Variants in DOCK6 observed in about 807,000 individuals in gnomAD.
The protein encoded by DOCK6 is dedicator of cytokinesis 6.
A neutral mutation model predicts 230.3 loss-of-function variants in DOCK6; 167 were observed. That is an observed-to-expected ratio of 0.73 (90% CI 0.64 to 0.82). The LOEUF (loss-of-function observed/expected upper bound fraction) is 0.82, where lower values mean the gene tolerates loss of function less well. DOCK6 is among the 40% of genes least tolerant of loss of function. The pLI is 0.00. For synonymous variants in DOCK6, 1,148 were observed against 1,185.0 expected, an observed-to-expected ratio of 0.97 and a Z score of 0.64; for missense variants, 2,598 against 2,825.8, an observed-to-expected ratio of 0.92 and a Z score of 1.83.
chr19:11,251,676 C>T (rs2080119643), intron 5 of DOCK6: 1 of 153,456 alleles, frequency 6.5e-6, no homozygotes, highest in African/African-American at 2.4e-5. Flanking sequence ...GCTGAGATTG[C>T]ACCACTGTAC....
chr19:11,237,228 C>A (rs957763131), intron 18 of DOCK6: 21 of 608,844 alleles, frequency 3.4e-5, no homozygotes, highest in Middle Eastern at 8.7e-4. Flanking sequence ...ATCAGGAAGG[C>A]AGTCAGGGTG....
intron 7 of DOCK6, 123 bp from the exon 8 acceptor site, chr19:11,246,001 T>G (rs2080027466): frequency 2.8e-6 from 3 of 1,085,756 alleles, no homozygotes; most frequent in Non-Finnish European, 4.0e-6. Flanking sequence ...GAACCGCCAC[T>G]TAAGGGCTTG....
chr19:11,235,004 G>A (rs183982021), intron 21 of DOCK6, among the ~76,000 whole-genome samples: 122 of 151,692 alleles, frequency 8.0e-4, no homozygotes, highest in African/African-American at 2.8e-3. Context: ...GTGCAGTGGC[G>A]TGATCTCAGC....
intron 41 of DOCK6, chr19:11,203,367 G>A (rs1028862879): frequency 2.5e-5 from 4 of 157,186 alleles, no homozygotes; most frequent in Admixed American, 6.1e-5. Flanking sequence ...AGAGGTCAGA[G>A]GTCAGAGTTC....
intron 28 of DOCK6, 50 bp from the exon 29 acceptor site, chr19:11,217,441 GTCCCT>G: frequency 6.3e-7 from 1 of 1,576,360 alleles, no homozygotes; most frequent in Non-Finnish European, 8.6e-7. Context: ...GGTAAGTGCT[GTCCCT>G]GTCTCAAATT....
In DOCK6 at chr19:11,202,467, C is replaced by G. The variant is rs751843684; in HGVS notation, c.5378G>C (p.Arg1793Thr). Residue 1793 changes from arginine to threonine, a missense_variant, in exon 43 of 48, where the codon AGA becomes ACA. Physicochemically the swap from Arg to Thr is moderately conservative, Grantham distance 71 (BLOSUM62 -1). Coordinates refer to ENST00000294618, the MANE Select transcript of DOCK6 (RefSeq NM_020812.4). The surrounding 1 kb of genome is among the most constrained non-coding windows in gnomAD (Gnocchi z 5.3). ...SHRLEEFYTE[R>T]FGDDVVEIIK... ...AATCTCAACGACGTCGTCGCCAAAT[C>G]TCTCCGTGTAGAACTCCTGGAGACA... is the stretch of plus-strand genomic sequence containing the variant. 22 of 1,613,324 alleles carry G rather than the reference C, an allele frequency of 1.4e-5. No individual in the cohort carries two copies. In the East Asian group the frequency reaches 4.7e-4, roughly 34 times the overall value.
At position 11,252,822 on chromosome 19, in the gene DOCK6, C is replaced by A; in HGVS notation, c.269G>T (p.Arg90Leu). 6.2e-7 allele frequency: 1 copy of A among 1,613,342 alleles called. No homozygotes were observed. The highest frequency in any genetic ancestry group is 8.5e-7 in the Non-Finnish European group (1 of 1,179,596). The change falls in exon 3 of 48, where the codon CGG becomes CTG. Residue 90 changes from arginine to leucine, a missense_variant. Transcript: ENST00000294618. ...ADDLELLLQPRECRTTEPGIP... is the reference protein window; with the variant it reads ...ADDLELLLQPLECRTTEPGIP... ...CCCGGGCTCCGTGGTCCGGCATTCC[C>A]GGGGCTGCAGCAGCAGCTCCAAGTC...
Position 11,236,481 on chromosome 19 carries a change from C to T in DOCK6, c.2257G>A (p.Val753Met), listed in dbSNP as rs375017238. Reference protein sequence around the residue: ...LKDTVLSEGNVEQELRASLAA... With the variant: ...LKDTVLSEGNMEQELRASLAA... ...AGACTGGCCCGCAGCTCCTGCTCCA[C>T]GTTGCCCTCGCTCAGCACAGTGTCC... Residue 753 changes from valine (V) to methionine (M), a missense_variant, in exon 20 of 48, where the codon GTG becomes ATG. Transcript: ENST00000294618. This position sits in a 1 kb window ranked among gnomAD's most constrained non-coding sequence, Gnocchi z 5.2. The T allele has an allele frequency of 6.9e-6, 11 of 1,599,376 alleles. No individual in the cohort carries two copies. The highest frequency in any genetic ancestry group is 1.3e-5 in the African/African-American group (1 of 74,648).
At chr19:11,241,872 G>A (rs183750153) in intron 14 of DOCK6, 173 bp downstream of exon 14, 2 of 1,255,720 alleles carry the variant, frequency 1.6e-6, no homozygotes, top group East Asian at 5.1e-5. Flanking sequence ...CCCCATTGGG[G>A]AGGGGTGGAG....
At position 11,208,938 on chromosome 19, in the gene DOCK6, G is replaced by A. The variant is rs1428682924; in HGVS notation, c.4917C>T (p.His1639=). ...EYLALLEDHR[H]LPVGCVSFQN... is the part of the protein sequence containing the mutation. ...GGAAGGAAACGCAGCCCACGGGCAG[G>A]TGGCGGTGGTCCTCGAGCAGGGCGA... The change falls in exon 38 of 48, where the codon CAC becomes CAT. Residue 1639 remains histidine, a synonymous_variant. Transcript: ENST00000294618. 1 of 1,597,620 alleles carries A rather than the reference G, an allele frequency of 6.3e-7. No individual in the cohort carries two copies. The highest frequency in any genetic ancestry group is 1.7e-5 in the Admixed American group (1 of 59,612).
chr19:11,204,620 A>G (rs574915689), intron 39 of DOCK6, among the ~76,000 whole-genome samples: 5 of 151,564 alleles, frequency 3.3e-5, no homozygotes, highest in African/African-American at 7.3e-5. Context: ...GCTCACTGCA[A>G]CCTCCAACTC....
chr19:11,221,056 C>A (rs915562263), intron 28 of DOCK6: 5 of 152,150 alleles, frequency 3.3e-5, no homozygotes, highest in African/African-American at 9.7e-5. Flanking sequence ...GATCTCCTGA[C>A]CTCGTGATCT....
intron 1 of DOCK6, among the ~76,000 whole-genome samples, chr19:11,255,472 C>T (rs1044032281): frequency 6.6e-6 from 1 of 152,090 alleles, no homozygotes; most frequent in African/African-American, 2.4e-5. Flanking sequence ...CACCACCATG[C>T]CTGGTTAATC....
At chr19:11,252,612 T>TG in intron 3 of DOCK6, 62 bp from the exon 4 acceptor site, 1 of 1,608,648 alleles carries the variant, frequency 6.2e-7, no homozygotes, top group Non-Finnish European at 8.5e-7. Flanking sequence ...TCTGCTAGCC[T>TG]GTAAGGTTAG....
chr19:11,227,284 G>C, intron 24 of DOCK6, 53 bp downstream of exon 24: 1 of 1,597,852 alleles, frequency 6.3e-7, no homozygotes, highest in South Asian at 1.1e-5. Context: ...CACCTGGCTG[G>C]CTCTATGTCC....
intron 22 of DOCK6, chr19:11,229,368 C>T (rs1406655285): frequency 2.1e-5 from 23 of 1,113,788 alleles, no homozygotes; most frequent in Non-Finnish European, 2.3e-5. Flanking sequence ...GGAGGAGGCT[C>T]GGCTAGAGTT....
At chr19:11,217,757 CAAA>C (rs764367133) in intron 28 of DOCK6, among the ~76,000 whole-genome samples, 16 of 89,466 alleles carry the variant, frequency 1.8e-4, no homozygotes, top group East Asian at 3.3e-4. Context: ...CACTCTGTCT[CAAA>C]AAAAAAAAAA....
intron 37 of DOCK6, among the ~76,000 whole-genome samples, chr19:11,209,897 G>A (rs2079341513): frequency 1.1e-5 from 1 of 90,462 alleles, no homozygotes; most frequent in Non-Finnish European, 2.1e-5. Context: ...CCCCTCACCT[G>A]TCCACCCCCT....
chr19:11,202,730 G>A lies in DOCK6; in HGVS notation c.5236-21C>T, dbSNP rs1274408632. On this transcript the variant is annotated intron_variant, in intron 41 of 47. Transcript: ENST00000294618. The surrounding 1 kb of genome is among the most constrained non-coding windows in gnomAD (Gnocchi z 5.3). ...ACGCGCTGGGGCTGTGAGAAAGGGTGTGGTTGTCCGGGAGGCCCCTGCTGG... is the reference window on the plus strand; with the variant it reads ...ACGCGCTGGGGCTGTGAGAAAGGGTATGGTTGTCCGGGAGGCCCCTGCTGG... 5 of 1,612,620 alleles carry A rather than the reference G, an allele frequency of 3.1e-6. No homozygotes were observed. Among genetic ancestry groups the A allele is most frequent in the Non-Finnish European group, 4.2e-6 (5 of 1,179,896 alleles).
Sources: allele counts gnomAD v4.1 joint callset (sites outside exome capture counted in the v4.1 genomes callset), GRCh38; gene constraint gnomAD v4.1.1; non-coding constraint Gnocchi (gnomAD v3.1); transcripts MANE v1.5; gene names NCBI Gene and HGNC (gene_info 2026-07-23, HGNC 2026-07-21).